Variants in OXR1 observed in about 807,000 individuals in gnomAD.
OXR1 encodes the protein oxidation resistance protein 1.
Under a neutral mutation model 104.6 loss-of-function variants are expected in OXR1, and 41 were observed. The observed-to-expected ratio is 0.39, with a 90% CI of 0.31 to 0.51. The LOEUF (loss-of-function observed/expected upper bound fraction) is 0.51. Among genes scored for constraint, OXR1 ranks in the 20% least tolerant of loss-of-function variants. The pLI, the probability that OXR1 is intolerant of heterozygous loss-of-function variation, is 0.77. For missense variants in OXR1, 955 were observed against 1,031.9 expected (o/e 0.93, Z 1.02); for synonymous variants, 348 against 348.4 (o/e 1.00, Z 0.01).
At chr8:106,303,875 T>A (rs1048372521) in intron 1 of OXR1, among the ~76,000 whole-genome samples, 3 of 152,246 alleles carry the variant, frequency 2.0e-5, no homozygotes, top group Non-Finnish European at 4.4e-5. Context: ...AATTTTTCGC[T>A]TAAGACAAAA....
chr8:106,732,992 T>C (rs909406394), intron 11 of OXR1, among the ~76,000 whole-genome samples: 2 of 152,132 alleles, frequency 1.3e-5, no homozygotes, highest in African/African-American at 4.8e-5. Context: ...CATCAGTGAG[T>C]CTATCTGGGC....
intron 2 of OXR1, among the ~76,000 whole-genome samples, chr8:106,386,403 TTCTATAGAA>T (rs1174483690): frequency 6.6e-6 from 1 of 152,206 alleles, no homozygotes; most frequent in Non-Finnish European, 1.5e-5. Context: ...AAGCAAGTTT[TTCTATAGAA>T]ATTATCTCCT....
chr8:106,696,497 T>C (rs750654923), intron 7 of OXR1, among the ~76,000 whole-genome samples: 4 of 152,190 alleles, frequency 2.6e-5, no homozygotes, highest in Non-Finnish European at 4.4e-5. Context: ...TCATGATTAC[T>C]GGATGGTATG....
intron 3 of OXR1, among the ~76,000 whole-genome samples, chr8:106,624,448 G>A (rs775499667): frequency 2.0e-5 from 3 of 152,064 alleles, no homozygotes; most frequent in Middle Eastern, 3.2e-3. Context: ...AACAAGGATC[G>A]GGAAGAATAG....
At chr8:106,538,579 T>C (rs1814721462) in intron 3 of OXR1, among the ~76,000 whole-genome samples, 1 of 152,356 alleles carries the variant, frequency 6.6e-6, no homozygotes, top group Admixed American at 6.5e-5. Flanking sequence ...CACATTTTGT[T>C]GTTTTGCAGT....
chr8:106,460,475 G>C (rs2130646134), intron 2 of OXR1, among the ~76,000 whole-genome samples: 1 of 152,216 alleles, frequency 6.6e-6, no homozygotes, highest in Non-Finnish European at 1.5e-5. Flanking sequence ...TCCATTGCTT[G>C]GTACTTTGAA....
chr8:106,511,573 T>A (rs1200789026), intron 2 of OXR1, among the ~76,000 whole-genome samples: 2 of 148,876 alleles, frequency 1.3e-5, no homozygotes, highest in Non-Finnish European at 3.0e-5. Flanking sequence ...ACACACACAC[T>A]TGTGTGAATA....
intron 3 of OXR1, among the ~76,000 whole-genome samples, chr8:106,542,861 C>T (rs1815063883): frequency 6.6e-6 from 1 of 152,084 alleles, no homozygotes; most frequent in African/African-American, 2.4e-5. Context: ...TTTTAGCAAA[C>T]TCTCACCATT....
chr8:106,534,482 AG>A (rs1469653042), intron 3 of OXR1, among the ~76,000 whole-genome samples: 3 of 152,252 alleles, frequency 2.0e-5, no homozygotes, highest in Non-Finnish European at 4.4e-5. Flanking sequence ...ACCACAAAGT[AG>A]TAATGGATAA....
intron 1 of OXR1, among the ~76,000 whole-genome samples, chr8:106,294,103 G>A (rs779558489): frequency 6.7e-6 from 1 of 150,058 alleles, no homozygotes; most frequent in Non-Finnish European, 1.5e-5. Flanking sequence ...TTGCAATAAA[G>A]AAAGGCCAGG....
chr8:106,705,141 T>G (rs1028260404), intron 8 of OXR1, among the ~76,000 whole-genome samples: 3 of 152,214 alleles, frequency 2.0e-5, no homozygotes, highest in Non-Finnish European at 2.9e-5. Flanking sequence ...ACGTTTGTTA[T>G]GTTTATCTCT....
At chr8:106,626,493 T>C (rs545370438) in intron 3 of OXR1, among the ~76,000 whole-genome samples, 2 of 151,788 alleles carry the variant, frequency 1.3e-5, no homozygotes, top group South Asian at 2.1e-4. Context: ...ATGTAATTAT[T>C]TTTGCTTTGG....
At chr8:106,611,265 A>G (rs532379497) in intron 3 of OXR1, among the ~76,000 whole-genome samples, 1 of 152,266 alleles carries the variant, frequency 6.6e-6, no homozygotes, top group South Asian at 2.1e-4. Flanking sequence ...AGGCTTTAAG[A>G]TAGGAGCATG....
At chr8:106,312,149 C>T (rs868389956) in intron 1 of OXR1, among the ~76,000 whole-genome samples, 10 of 152,100 alleles carry the variant, frequency 6.6e-5, no homozygotes, top group Admixed American at 6.5e-4. Context: ...TAAACTAAAG[C>T]GATTTGAATT....
At chr8:106,318,236 C>T (rs374403453) in intron 1 of OXR1, among the ~76,000 whole-genome samples, 60 of 152,242 alleles carry the variant, frequency 3.9e-4, no homozygotes, top group African/African-American at 1.3e-3. Flanking sequence ...TTAGTGGTTA[C>T]GATTTCTCTC....
At chr8:106,523,431 T>G (rs1209083944) in intron 3 of OXR1, among the ~76,000 whole-genome samples, 2 of 152,176 alleles carry the variant, frequency 1.3e-5, no homozygotes, top group Non-Finnish European at 2.9e-5. Flanking sequence ...CCACCTGATA[T>G]ATACACATGC....
intron 3 of OXR1, among the ~76,000 whole-genome samples, chr8:106,538,839 G>T (rs1323487708): frequency 6.6e-6 from 1 of 152,100 alleles, no homozygotes; most frequent in African/African-American, 2.4e-5. Flanking sequence ...TCAACGTGGG[G>T]AAAAGGAAAA....
chr8:106,637,329 G>GTATA (rs35149052), intron 3 of OXR1, among the ~76,000 whole-genome samples: 34 of 151,572 alleles, frequency 2.2e-4, no homozygotes, highest in South Asian at 1.9e-3. Flanking sequence ...ATGTGTGTGT[G>GTATA]TATATATATA....
At chr8:106,339,544 A>G (rs13262913) in intron 1 of OXR1, among the ~76,000 whole-genome samples, 20,992 of 100,396 alleles carry the variant, frequency 0.21, 4,587 homozygotes, top group Non-Finnish European at 0.26. Flanking sequence ...ATATATATAT[A>G]TATATATATA....
Sources: gnomAD v4.1 joint callset for allele counts (sites outside exome capture counted in the v4.1 genomes callset) on GRCh38, gnomAD v4.1.1 for gene constraint, MANE v1.5 for transcripts, NCBI Gene and HGNC (gene_info 2026-07-23, HGNC 2026-07-21) for gene names.